RBFOX1: variants seen among roughly 807,000 people sequenced by gnomAD.
The protein encoded by RBFOX1 is RNA binding fox-1 homolog 1.
A neutral mutation model predicts 57.7 loss-of-function variants in RBFOX1; 8 were observed. The ratio of observed to expected loss-of-function variants is 0.14; its 90% confidence interval spans 0.08 to 0.25. The LOEUF (loss-of-function observed/expected upper bound fraction) is 0.25. Among genes scored for constraint, RBFOX1 ranks in the 10% least tolerant of loss-of-function variants. The pLI is 1.00. For missense variants in RBFOX1, 611 were observed against 548.5 expected (o/e 1.11, Z -1.14); for synonymous variants, 326 against 222.4 (o/e 1.47, Z -4.15).
intron 3 of RBFOX1, among the ~76,000 whole-genome samples, chr16:6,842,617 A>G (rs1291176761): frequency 1.4e-5 from 2 of 147,460 alleles, no homozygotes; most frequent in Non-Finnish European, 3.0e-5. Flanking sequence ...TTTCCTGCTG[A>G]CAGACATTTA....
rs551094750 is a variant in RBFOX1 at position 7,569,860 on chromosome 16, C to G, written c.271-9917C>G. On this transcript the variant is annotated intron_variant, in intron 5 of 15. Transcript: ENST00000550418. Reference sequence around the variant, plus strand: ...GGAATGGGAGTGAGCGCCTCTGTCTCCAAAAAAAACAAAACAAAACAATAC... The same window carrying G: ...GGAATGGGAGTGAGCGCCTCTGTCTGCAAAAAAAACAAAACAAAACAATAC... Among the ~76,000 whole-genome samples the G allele has an allele frequency of 2.2e-4, 34 of 151,802 alleles. 1 individual carries two copies. The South Asian group carries it at 6.9e-3, about 31-fold the overall frequency.
At chr16:6,428,295 A>AG (rs2093986362) in intron 2 of RBFOX1, among the ~76,000 whole-genome samples, 4 of 151,558 alleles carry the variant, frequency 2.6e-5, no homozygotes. Flanking sequence ...CAAAAAAAAA[A>AG]AAAAAAAAAA....
At chr16:5,774,262 G>C (rs558910848) in intron 3 of RBFOX1, among the ~76,000 whole-genome samples, 7 of 152,160 alleles carry the variant, frequency 4.6e-5, no homozygotes, top group Non-Finnish European at 1.0e-4. Context: ...GACAGACAGA[G>C]ACCCACAGAC....
chr16:5,522,087 G>C (rs1164602709), intron 2 of RBFOX1, among the ~76,000 whole-genome samples: 1 of 152,246 alleles, frequency 6.6e-6, no homozygotes, highest in Non-Finnish European at 1.5e-5. Context: ...CCACATGCTG[G>C]AGGCAGCCAG....
intron 4 of RBFOX1, among the ~76,000 whole-genome samples, chr16:5,950,660 C>G (rs1460240050): frequency 6.6e-6 from 1 of 152,220 alleles, no homozygotes; most frequent in African/African-American, 2.4e-5. Flanking sequence ...TTTGCACTTA[C>G]CTGGCCAAGC....
chr16:6,921,783 T>TATGC (rs986240231), intron 3 of RBFOX1, among the ~76,000 whole-genome samples: 3 of 144,244 alleles, frequency 2.1e-5, no homozygotes, highest in Non-Finnish European at 4.7e-5. Flanking sequence ...GTATGTTGTA[T>TATGC]ATGCACACAC....
chr16:6,312,879 C>T (rs1438001175), intron 1 of RBFOX1, among the ~76,000 whole-genome samples: 2 of 152,128 alleles, frequency 1.3e-5, no homozygotes, highest in Non-Finnish European at 2.9e-5. Context: ...CACACAGCTC[C>T]TGCCCTCATG....
rs923464379 is a variant in RBFOX1 at position 7,408,912 on chromosome 16, C to T, written c.28-109235C>T. ...TGTTCTAGAGGTATGGTGTTGGAAG[C>T]GCTTGGCACCTTTCATGTAAATCAT... On this transcript the variant is annotated intron_variant, in intron 4 of 15. Coordinates refer to ENST00000550418, the MANE Select transcript of RBFOX1 (RefSeq NM_018723.4). Among the ~76,000 whole-genome samples, 9 of 152,278 alleles carry T rather than the reference C, an allele frequency of 5.9e-5. No individual in the cohort carries two copies. The South Asian group carries it at 6.2e-4, about 11-fold the overall frequency.
intron 1 of RBFOX1, among the ~76,000 whole-genome samples, chr16:5,293,792 A>AT (rs1371454474): frequency 2.1e-4 from 18 of 86,752 alleles, no homozygotes; most frequent in Admixed American, 1.2e-3. Flanking sequence ...ATACAGGGTT[A>AT]TTTTTTGGGG....
At chr16:6,875,381 A>C (rs1340098711) in intron 3 of RBFOX1, among the ~76,000 whole-genome samples, 6 of 152,074 alleles carry the variant, frequency 3.9e-5, no homozygotes, top group Admixed American at 2.0e-4. Flanking sequence ...AATATGACCT[A>C]CTTCTCTGAA....
At chr16:5,326,393 TC>T (rs1351997474) in intron 1 of RBFOX1, among the ~76,000 whole-genome samples, 2 of 152,288 alleles carry the variant, frequency 1.3e-5, no homozygotes, top group African/African-American at 4.8e-5. Flanking sequence ...CAAGTCCCCT[TC>T]TACTATTTTG....
At chr16:5,381,457 G>C (rs1010299956) in intron 1 of RBFOX1, among the ~76,000 whole-genome samples, 1 of 152,206 alleles carries the variant, frequency 6.6e-6, no homozygotes, top group African/African-American at 2.4e-5. Flanking sequence ...CACTCAGTAG[G>C]TCTGGGGCAG....
At chr16:6,408,267 T>A (rs1410437221) in intron 2 of RBFOX1, among the ~76,000 whole-genome samples, 1 of 152,150 alleles carries the variant, frequency 6.6e-6, no homozygotes, top group East Asian at 1.9e-4. Flanking sequence ...AAAGTGCTGT[T>A]GTTTGAGCTT....
chr16:6,860,072 G>A (rs894451307), intron 3 of RBFOX1, among the ~76,000 whole-genome samples: 1 of 152,184 alleles, frequency 6.6e-6, no homozygotes, highest in African/African-American at 2.4e-5. Context: ...AGTGAAGAGA[G>A]AGCATTTGGA....
chr16:6,069,750 G>T (rs2095812706), intron 1 of RBFOX1, among the ~76,000 whole-genome samples: 1 of 152,156 alleles, frequency 6.6e-6, no homozygotes, highest in Non-Finnish European at 1.5e-5. Flanking sequence ...ACTTTGGGAG[G>T]CTGAGGTGGG....
chr16:6,184,046 A>T (rs980541687), intron 1 of RBFOX1, among the ~76,000 whole-genome samples: 1 of 152,174 alleles, frequency 6.6e-6, no homozygotes, highest in Non-Finnish European at 1.5e-5. Context: ...GGCAAAAGGC[A>T]TGTTTTACAT....
chr16:6,732,326 C>CG (rs1472311140), intron 3 of RBFOX1, among the ~76,000 whole-genome samples: 10 of 152,216 alleles, frequency 6.6e-5, no homozygotes. Flanking sequence ...GGCTCCTGTT[C>CG]AGATTCTCAC....
chr16:6,167,005 C>T (rs2096922871), intron 1 of RBFOX1, among the ~76,000 whole-genome samples: 1 of 152,076 alleles, frequency 6.6e-6, no homozygotes, highest in Admixed American at 6.6e-5. Flanking sequence ...AAACTCCTGA[C>T]CTCATGTTCT....
chr16:6,231,675 A>T (rs1375975203), intron 1 of RBFOX1, among the ~76,000 whole-genome samples: 1 of 152,200 alleles, frequency 6.6e-6, no homozygotes, highest in East Asian at 1.9e-4. Flanking sequence ...GTGAGCCAGA[A>T]TTCTGTAATT....
Sources: gnomAD v4.1 joint callset for allele counts (sites outside exome capture counted in the v4.1 genomes callset) on GRCh38, gnomAD v4.1.1 for gene constraint, MANE v1.5 for transcripts, NCBI Gene and HGNC (gene_info 2026-07-23, HGNC 2026-07-21) for gene names.